Variants in NFATC3 observed in about 807,000 individuals in gnomAD.
The protein encoded by NFATC3 is nuclear factor of activated T-cells, cytoplasmic 3.
A neutral mutation model predicts 98.6 loss-of-function variants in NFATC3; 46 were observed. That is an observed-to-expected ratio of 0.47 (90% CI 0.37 to 0.60). The LOEUF (loss-of-function observed/expected upper bound fraction) is 0.60, where lower values mean the gene tolerates loss of function less well. Ranked by LOEUF, NFATC3 falls within the 20% of genes least tolerant of loss-of-function variation. The pLI, the probability that NFATC3 is intolerant of heterozygous loss-of-function variation, is 0.00. For synonymous variants in NFATC3, 512 were observed against 472.2 expected (o/e 1.08, Z -1.09); for missense variants, 1,256 against 1,295.5 (o/e 0.97, Z 0.47).
intron 9 of NFATC3, among the ~76,000 whole-genome samples, chr16:68,192,391 A>G (rs1234662712): frequency 6.6e-6 from 1 of 150,440 alleles, no homozygotes; most frequent in Admixed American, 6.7e-5. Flanking sequence ...ATGCCTTAGC[A>G]TCTGTTTTAC....
At chr16:68,121,107 A>C in intron 1 of NFATC3, among the ~76,000 whole-genome samples, 1 of 151,794 alleles carries the variant, frequency 6.6e-6, no homozygotes. Context: ...AAAAAAATCC[A>C]AAATCCCAAG....
intron 9 of NFATC3, among the ~76,000 whole-genome samples, chr16:68,211,256 C>T (rs1386004017): frequency 6.6e-6 from 1 of 152,094 alleles, no homozygotes; most frequent in Non-Finnish European, 1.5e-5. Flanking sequence ...GGCGCGATCT[C>T]AGCTCACTGC....
At chr16:68,136,856 G>C (rs748266167) in intron 3 of NFATC3, among the ~76,000 whole-genome samples, 12 of 152,064 alleles carry the variant, frequency 7.9e-5, no homozygotes, top group Non-Finnish European at 1.6e-4. Flanking sequence ...CATGTTGAGA[G>C]CTTGTCTCTT....
intron 1 of NFATC3, among the ~76,000 whole-genome samples, chr16:68,096,986 A>T (rs941998061): frequency 2.6e-5 from 4 of 152,204 alleles, no homozygotes; most frequent in Non-Finnish European, 5.9e-5. Flanking sequence ...GAAGACAGGA[A>T]TGGAGGTGGG....
chr16:68,182,169 A>G (rs73612222), intron 7 of NFATC3, among the ~76,000 whole-genome samples: 20,904 of 152,244 alleles, frequency 0.14, 1,498 homozygotes, highest in South Asian at 0.2. Flanking sequence ...CCTTCATGGA[A>G]AAATGAGAAA....
chr16:68,209,764 A>G (rs2041296683), intron 9 of NFATC3: 1 of 466,284 alleles, frequency 2.1e-6, no homozygotes, highest in African/African-American at 2.0e-5. Context: ...GGTTCGTTGC[A>G]GTTGTGTAGT....
At chr16:68,148,983 G>A (rs1273064754) in intron 3 of NFATC3, among the ~76,000 whole-genome samples, 2 of 152,172 alleles carry the variant, frequency 1.3e-5, no homozygotes, top group Non-Finnish European at 2.9e-5. Context: ...GCAACACAGC[G>A]AGACTCCATC....
intron 8 of NFATC3, among the ~76,000 whole-genome samples, chr16:68,184,198 A>G (rs1019979528): frequency 1.3e-5 from 2 of 152,166 alleles, no homozygotes; most frequent in Admixed American, 1.3e-4. Flanking sequence ...TCAAACACCA[A>G]GAGTGTTTTG....
Position 68,085,791 on chromosome 16 carries a change from G to C in NFATC3, c.103+7G>C. 6.8e-7 allele frequency: 1 copy of C among 1,462,470 alleles called. No individual in the cohort carries two copies. Among genetic ancestry groups the C allele is most frequent in the Non-Finnish European group, 9.0e-7 (1 of 1,115,788 alleles). The allele number at this position is 1,462,470 out of a possible 1,614,324, so 90.6% of individuals were successfully genotyped here. ...CCGGGCTCGCGGCCTGCAGGTGGGTGCCGGGCCAGGCGGGACCGTGGAGCG... is the reference window on the plus strand; with the variant it reads ...CCGGGCTCGCGGCCTGCAGGTGGGTCCCGGGCCAGGCGGGACCGTGGAGCG... On this transcript the variant is annotated splice_region_variant and intron_variant, in intron 1 of 9. Transcript: ENST00000346183.
intron 1 of NFATC3, 91 bp from the exon 2 acceptor site, chr16:68,121,896 T>C (rs2036601344): frequency 3.6e-6 from 5 of 1,404,474 alleles, no homozygotes; most frequent in Admixed American, 2.3e-5. Flanking sequence ...GAGATTGTTA[T>C]TATTTACTTT....
chr16:68,202,401 G>C (rs1031206141), intron 9 of NFATC3, among the ~76,000 whole-genome samples: 1 of 152,174 alleles, frequency 6.6e-6, no homozygotes, highest in African/African-American at 2.4e-5. Flanking sequence ...ACAACATTCA[G>C]GTGGTTACTT....
intron 9 of NFATC3, among the ~76,000 whole-genome samples, chr16:68,206,721 G>A (rs2041160376): frequency 2.0e-5 from 3 of 152,120 alleles, no homozygotes; most frequent in South Asian, 4.1e-4. Flanking sequence ...AGTAGCTCAC[G>A]TCTCTAATCC....
intron 5 of NFATC3, among the ~76,000 whole-genome samples, chr16:68,170,331 A>G (rs2039399330): frequency 6.8e-6 from 1 of 147,694 alleles, no homozygotes; most frequent in African/African-American, 2.5e-5. Flanking sequence ...GCTGGGTTGC[A>G]GTGAGCCGAG....
In NFATC3 at chr16:68,166,842, G is replaced by A; in HGVS notation, c.1602-1G>A. On this transcript the variant is annotated splice_acceptor_variant, in intron 4 of 9. Coordinates refer to ENST00000346183, the MANE Select transcript of NFATC3 (RefSeq NM_173165.3). LOFTEE classifies it high-confidence loss of function. Reference sequence around the variant, plus strand: ...TTAAATTTTTGTATTTTTCTCTTTAGTATTGATTGTGCAGGTATTTTGAAA... The same window carrying A: ...TTAAATTTTTGTATTTTTCTCTTTAATATTGATTGTGCAGGTATTTTGAAA... The A allele has an allele frequency of 6.2e-7, 1 of 1,609,010 alleles. No homozygotes were observed. Among genetic ancestry groups the A allele is most frequent in the Non-Finnish European group, 8.5e-7 (1 of 1,176,792 alleles).
Position 68,180,802 on chromosome 16 carries a change from G to A in NFATC3, c.1916-673G>A, listed in dbSNP as rs1358390081. Among the ~76,000 whole-genome samples, 3 of 152,120 alleles carry A rather than the reference G, an allele frequency of 2.0e-5. No individual in the cohort carries two copies. The East Asian group carries it at 5.8e-4, about 29-fold the overall frequency. On this transcript the variant is annotated intron_variant, in intron 6 of 9. Transcript: ENST00000346183. ...AGTTTGCTGAGAATGATGGTTTCCAGCTTCATCCATGTCCCTACAAAGGAC... is the reference window on the plus strand; with the variant it reads ...AGTTTGCTGAGAATGATGGTTTCCAACTTCATCCATGTCCCTACAAAGGAC...
At chr16:68,223,729 T>C (rs925953384) in intron 9 of NFATC3, among the ~76,000 whole-genome samples, 13 of 151,624 alleles carry the variant, frequency 8.6e-5, no homozygotes, top group Admixed American at 2.0e-4. Context: ...ACCCTGTCTC[T>C]ACTAAAAATA....
At chr16:68,164,060 G>T (rs567310305) in intron 4 of NFATC3, among the ~76,000 whole-genome samples, 1 of 152,172 alleles carries the variant, frequency 6.6e-6, no homozygotes, top group Non-Finnish European at 1.5e-5. Flanking sequence ...CGGCTGGGAG[G>T]TGGAGGTTGT....
intron 1 of NFATC3, among the ~76,000 whole-genome samples, chr16:68,098,980 A>G (rs2035193702): frequency 6.6e-6 from 1 of 152,224 alleles, no homozygotes; most frequent in Admixed American, 6.5e-5. Context: ...ATCTTGCATA[A>G]CTATAGTACA....
In NFATC3 at chr16:68,192,230, A is replaced by AAAAAAAAT. The variant is rs1555522047; in HGVS notation, c.3106+456_3106+457insAAAAAATA. 9.7e-5 allele frequency: 8 copies of AAAAAAAAT among 82,582 alleles called. 1 individual carries two copies. Among genetic ancestry groups the AAAAAAAAT allele is most frequent in the Admixed American group, 3.5e-4 (2 of 5,654 alleles). 5.1% of individuals were successfully genotyped at this position (82,582 alleles called of 1,614,324 possible). ...CTCGGGAAAAAAAAAAAAAAAAAAA[A>AAAAAAAAT]ATATATATATATATATATATATATG... On this transcript the variant is annotated intron_variant, in intron 9 of 9. Coordinates refer to ENST00000346183, the MANE Select transcript of NFATC3 (RefSeq NM_173165.3).
Sources: allele counts gnomAD v4.1 joint callset (sites outside exome capture counted in the v4.1 genomes callset), GRCh38; gene constraint gnomAD v4.1.1; transcripts MANE v1.5; gene names NCBI Gene and HGNC (gene_info 2026-07-23, HGNC 2026-07-21).